Variants in AP1S2 observed in about 807,000 individuals in gnomAD.
AP1S2 encodes the protein adaptor related protein complex 1 subunit sigma 2.
In AP1S2, 1 loss-of-function variant was observed where a neutral mutation model predicts 14.3. The observed-to-expected ratio is 0.07, with a 90% confidence interval of 0.02 to 0.33. The LOEUF (loss-of-function observed/expected upper bound fraction) is 0.33. Ranked by LOEUF, AP1S2 falls within the 10% of genes least tolerant of loss-of-function variation. The pLI is 0.99. For synonymous variants in AP1S2, 30 were observed against 40.5 expected (o/e 0.74, Z 0.99); for missense variants, 30 against 117.7 (o/e 0.25, Z 3.45).
intron 4 of AP1S2, among the ~76,000 whole-genome samples, chrX:15,844,326 T>C (rs777280863): frequency 1.4e-5 from 1 of 70,934 alleles, no homozygotes; most frequent in Non-Finnish European, 2.7e-5. Flanking sequence ...AAGTCACCTT[T>C]GGTGACTAAA....
In AP1S2 at chrX:15,833,115, TTATATTA is replaced by T. The variant is rs1453122641; in HGVS notation, c.427-4922_427-4916del. 3 of 997,591 alleles carry T rather than the reference TTATATTA, an allele frequency of 3.0e-6. No homozygotes were observed. In the Admixed American group the frequency reaches 1.5e-4, roughly 51 times the overall value. 82.2% of individuals were successfully genotyped at this position (997,591 alleles called of 1,213,427 possible). ...TAAATAATACCAGTTCTTTGAGCCT[TTATATTA>T]TAGTTTATCATCTTTTTCTTTTCTC... On this transcript the variant is annotated intron_variant, in intron 4 of 5. Transcript: ENST00000672987.
intron 4 of AP1S2, chrX:15,833,416 A>G: frequency 1.1e-6 from 1 of 877,354 alleles, no homozygotes; most frequent in Non-Finnish European, 1.4e-6. Context: ...CCATTGATCC[A>G]TATTACTGTA....
chrX:15,837,605 C>CT (rs35560738), intron 4 of AP1S2, among the ~76,000 whole-genome samples: 19,511 of 82,559 alleles, frequency 0.24, 2,616 homozygotes, highest in African/African-American at 0.3. Flanking sequence ...ATAGAGATGA[C>CT]TTTTTTTTTT....
intron 4 of AP1S2, chrX:15,840,722 A>G: frequency 3.5e-6 from 1 of 282,683 alleles, no homozygotes; most frequent in Non-Finnish European, 6.2e-6. Flanking sequence ...ACCCCCCACC[A>G]TATCCCTCCA....
chrX:15,851,754 ATC>A (rs954151930), intron 2 of AP1S2, among the ~76,000 whole-genome samples: 1 of 112,024 alleles, frequency 8.9e-6, no homozygotes, highest in Non-Finnish European at 1.9e-5. Context: ...TGGAAAAATT[ATC>A]TGTCATATTT....
chrX:15,842,105 A>G (rs960225513), intron 4 of AP1S2, among the ~76,000 whole-genome samples: 2 of 112,008 alleles, frequency 1.8e-5, no homozygotes, highest in Non-Finnish European at 3.8e-5. Flanking sequence ...CAAGCACTCA[A>G]GCGTTAGTTA....
chrX:15,834,481 A>ATATATATATATATATTT (rs1569080380), intron 4 of AP1S2, among the ~76,000 whole-genome samples: 1 of 13,018 alleles, frequency 7.7e-5, no homozygotes, highest in Non-Finnish European at 1.2e-4. Context: ...TATATATATA[A>ATATATATATATATATTT]TTTTTTTTTT....
intron 4 of AP1S2, among the ~76,000 whole-genome samples, chrX:15,841,580 A>G (rs1364582835): frequency 5.3e-5 from 6 of 112,167 alleles, no homozygotes; most frequent in Admixed American, 9.5e-5. Flanking sequence ...TAAGACCAAA[A>G]AAGTTATTAT....
intron 4 of AP1S2, among the ~76,000 whole-genome samples, chrX:15,828,805 G>A (rs976371311): frequency 1.8e-5 from 2 of 109,858 alleles, no homozygotes; most frequent in Admixed American, 2.0e-4. Flanking sequence ...AAAAGCAGAC[G>A]ATTTGTTAAA....
chrX:15,854,668 T>A lies in AP1S2; in HGVS notation c.-1+20A>T. On this transcript the variant is annotated intron_variant, in intron 1 of 5. Coordinates refer to ENST00000672987, the MANE Select transcript of AP1S2 (RefSeq NM_001272071.2). The stretch of plus-strand genomic sequence containing the variant: ...CCTCTCCCCCATCCCCGGCGCCCCC[T>A]TTCGCCCCCAGGGACTTACGGCGGC... 32 of 515,468 alleles carry A rather than the reference T, an allele frequency of 6.2e-5. No homozygotes were observed. The highest frequency in any genetic ancestry group is 7.3e-5 in the Non-Finnish European group (31 of 421,876). 42.5% of individuals were successfully genotyped at this position (515,468 alleles called of 1,213,427 possible).
At position 15,846,128 on chromosome X, in the gene AP1S2, G is replaced by A. The variant is rs751253080; in HGVS notation, c.180-117C>T. The A allele has an allele frequency of 3.0e-4, 170 of 563,305 alleles. No individual in the cohort carries two copies. In the African/African-American group the frequency reaches 3.5e-3, roughly 11 times the overall value. The allele number at this position is 563,305 out of a possible 1,213,427, so 46.4% of individuals were successfully genotyped here. ...TTATACAGTTTATTTCTTCTTTCAC[G>A]ACAGTACAGATTTTTCTCATAGACT... On this transcript the variant is annotated intron_variant, in intron 2 of 5. Transcript: ENST00000672987.
chrX:15,827,056 C>G lies in AP1S2; in HGVS notation c.*269G>C, dbSNP rs1933287702. 2.8e-6 allele frequency: 1 copy of G among 354,182 alleles called. No individual in the cohort carries two copies. The highest frequency in any genetic ancestry group is 4.6e-5 in the South Asian group (1 of 21,878). The allele number at this position is 354,182 out of a possible 1,213,427, so 29.2% of individuals were successfully genotyped here. A position where few individuals can be genotyped will look rare whatever the true frequency, so the allele number is the denominator to read the frequency against. ...TGCCATTTTCATATGTGCACATAAT[C>G]AGATTAAGAGAAACTGACCTTTAAA... On this transcript the variant is annotated 3_prime_UTR_variant, in exon 6 of 6. Transcript: ENST00000672987.
intron 4 of AP1S2, chrX:15,832,143 G>T (rs36000261): frequency 5.4e-6 from 4 of 745,966 alleles, no homozygotes; most frequent in East Asian, 1.5e-4. Flanking sequence ...AGATTTTAAC[G>T]AACTCTCCAG....
At position 15,827,124 on chromosome X, in the gene AP1S2, A is replaced by G; in HGVS notation, c.*201T>C. On this transcript the variant is annotated 3_prime_UTR_variant, in exon 6 of 6. Coordinates refer to ENST00000672987, the MANE Select transcript of AP1S2 (RefSeq NM_001272071.2). ...AAGGTATCTCTTTCTGCACCATTCTAATTCATATTTAAGTCCCTTATCACT... is the reference window on the plus strand; with the variant it reads ...AAGGTATCTCTTTCTGCACCATTCTGATTCATATTTAAGTCCCTTATCACT... 2.2e-6 allele frequency: 1 copy of G among 450,525 alleles called. No homozygotes were observed. The highest frequency in any genetic ancestry group is 3.3e-5 in the South Asian group (1 of 30,744). The allele number at this position is 450,525 out of a possible 1,213,427, so 37.1% of individuals were successfully genotyped here.
At position 15,845,404 on chromosome X, in the gene AP1S2, A is replaced by G. The variant is rs1170032504; in HGVS notation, c.401T>C (p.Ile134Thr). 1.1e-5 allele frequency: 13 copies of G among 1,208,576 alleles called. No homozygotes were observed. Among genetic ancestry groups the G allele is most frequent in the East Asian group, 3.0e-5 (1 of 33,763 alleles). The change falls in exon 4 of 6, where the codon ATT (isoleucine) becomes ACT (threonine). Residue 134 changes from isoleucine to threonine, a missense_variant. Coordinates refer to ENST00000672987, the MANE Select transcript of AP1S2 (RefSeq NM_001272071.2). Reference protein sequence around the residue: ...ETSKKNVLKAIEQADLLQEDA... With the variant: ...ETSKKNVLKATEQADLLQEDA... ...CTCCTGCAGTAGATCAGCCTGCTCA[A>G]TTGCTTTAAGGACATTTTTCTTGGA...
chrX:15,851,932 C>T (rs1363535129), intron 2 of AP1S2, among the ~76,000 whole-genome samples: 2 of 112,003 alleles, frequency 1.8e-5, no homozygotes, highest in East Asian at 2.8e-4. Context: ...AGATAAAAGG[C>T]ATGTCAAATA....
At chrX:15,849,643 C>T (rs1436446763) in intron 2 of AP1S2, among the ~76,000 whole-genome samples, 1 of 111,875 alleles carries the variant, frequency 8.9e-6, no homozygotes, top group Admixed American at 9.4e-5. Context: ...AAAGTAGTGG[C>T]TCAACACGGA....
chrX:15,849,563 C>T (rs1481274343), intron 2 of AP1S2, among the ~76,000 whole-genome samples: 2 of 111,880 alleles, frequency 1.8e-5, no homozygotes, highest in Admixed American at 9.4e-5. Context: ...TTAAAGTCCA[C>T]CTTTTATTTA....
chrX:15,854,356 G>C (rs1230828581), intron 1 of AP1S2, among the ~76,000 whole-genome samples: 1 of 112,357 alleles, frequency 8.9e-6, no homozygotes, highest in East Asian at 2.8e-4. Context: ...GGCATCCGCC[G>C]CCGCGCAGGG....
Sources: allele counts gnomAD v4.1 joint callset (sites outside exome capture counted in the v4.1 genomes callset), GRCh38; gene constraint gnomAD v4.1.1; transcripts MANE v1.5; gene names NCBI Gene and HGNC (gene_info 2026-07-23, HGNC 2026-07-21).